Variants in MCHR2 observed in about 807,000 individuals in gnomAD.
MCHR2 encodes the protein melanin concentrating hormone receptor 2.
A neutral mutation model predicts 24.8 loss-of-function variants in MCHR2; 15 were observed. The ratio of observed to expected loss-of-function variants is 0.60; its 90% CI spans 0.40 to 0.93. MCHR2 has a LOEUF of 0.93. Among genes scored for constraint, MCHR2 ranks in the 40% least tolerant of loss-of-function variants. The probability of loss-of-function intolerance (pLI) is 0.00; values close to 1 mark genes in which losing one functional copy is unlikely to be tolerated. For synonymous variants in MCHR2, 151 were observed against 147.6 expected (o/e 1.02, Z -0.17); for missense variants, 386 against 408.7 (o/e 0.94, Z 0.48).
chr6:99,943,267 G>A (rs1303103463), intron 3 of MCHR2, 124 bp from the exon 4 acceptor site: 3 of 437,400 alleles, frequency 6.9e-6, no homozygotes, highest in Admixed American at 4.3e-5. Flanking sequence ...ACCTCTATCA[G>A]GGCAAAAGAA....
chr6:99,971,466 A>T (rs144130850), intron 1 of MCHR2, among the ~76,000 whole-genome samples: 272 of 152,262 alleles, frequency 1.8e-3, no homozygotes, highest in African/African-American at 6.3e-3. Flanking sequence ...TTGGGCTGAG[A>T]CATTGGGGTT....
intron 3 of MCHR2, among the ~76,000 whole-genome samples, chr6:99,946,948 G>T (rs1349489521): frequency 2.6e-5 from 4 of 152,096 alleles, no homozygotes; most frequent in African/African-American, 9.7e-5. Flanking sequence ...GCATATCCTA[G>T]CTTGCATGCT....
At chr6:99,989,383 T>C (rs900846767) in intron 1 of MCHR2, among the ~76,000 whole-genome samples, 21 of 152,216 alleles carry the variant, frequency 1.4e-4, no homozygotes, top group African/African-American at 4.8e-4. Flanking sequence ...TTAAGTACCT[T>C]ATGTACATTA....
intron 1 of MCHR2, among the ~76,000 whole-genome samples, chr6:99,973,429 C>T (rs1321487984): frequency 6.6e-6 from 1 of 152,126 alleles, no homozygotes; most frequent in Non-Finnish European, 1.5e-5. Context: ...GATCTTCCTC[C>T]ATCCCTTCAT....
At chr6:99,946,422 T>C (rs1288206470) in intron 3 of MCHR2, among the ~76,000 whole-genome samples, 1 of 152,188 alleles carries the variant, frequency 6.6e-6, no homozygotes, top group Non-Finnish European at 1.5e-5. Context: ...AATTCTTTTT[T>C]TGTTCATCTG....
At chr6:99,980,514 G>A (rs1246177643) in intron 1 of MCHR2, among the ~76,000 whole-genome samples, 1 of 151,922 alleles carries the variant, frequency 6.6e-6, no homozygotes. Flanking sequence ...AATAGTCAAT[G>A]GGATGGACTT....
chr6:99,947,271 C>T (rs963375279), intron 3 of MCHR2, among the ~76,000 whole-genome samples: 4 of 152,088 alleles, frequency 2.6e-5, no homozygotes, highest in African/African-American at 9.7e-5. Context: ...CTATTTACTC[C>T]ACTGATTCCT....
intron 1 of MCHR2, among the ~76,000 whole-genome samples, chr6:99,984,360 T>C (rs918090359): frequency 2.6e-5 from 4 of 152,046 alleles, no homozygotes; most frequent in Non-Finnish European, 4.4e-5. Flanking sequence ...GCTGCACCCA[T>C]TAACTAGTCA....
In MCHR2 at chr6:99,920,923, G is replaced by T. The variant is rs770397892; in HGVS notation, c.*17C>A. 1 of 1,608,994 alleles carries T rather than the reference G, an allele frequency of 6.2e-7. No homozygotes were observed. Among genetic ancestry groups the T allele is most frequent in the South Asian group, 1.1e-5 (1 of 90,344 alleles). ...ATAGACAATCATGTCTAGACTCATG[G>T]TGATCCATGTACTTTCCTAAAAGTG... is the stretch of plus-strand genomic sequence containing the variant. On this transcript the variant is annotated 3_prime_UTR_variant, in exon 6 of 6. Coordinates refer to ENST00000281806, the MANE Select transcript of MCHR2 (RefSeq NM_001040179.2).
chr6:99,938,405 G>A (rs372261455), intron 4 of MCHR2, among the ~76,000 whole-genome samples: 22 of 151,902 alleles, frequency 1.4e-4, no homozygotes, highest in Non-Finnish European at 2.4e-4. Context: ...TTCAACTTTC[G>A]TTTGTTTCAA....
At chr6:99,989,972 A>G (rs1775838633) in intron 1 of MCHR2, among the ~76,000 whole-genome samples, 1 of 152,198 alleles carries the variant, frequency 6.6e-6, no homozygotes, top group South Asian at 2.1e-4. Context: ...AGATTTTTTT[A>G]AGTAGCAATA....
rs180875302 is a variant in MCHR2 at position 99,930,913 on chromosome 6, G to T, written c.707+3485C>A. On this transcript the variant is annotated intron_variant, in intron 5 of 5. Coordinates refer to ENST00000281806, the MANE Select transcript of MCHR2 (RefSeq NM_001040179.2). Reference sequence around the variant, plus strand: ...TGTGTTCCTTTGGTGGAGGAGAGGCGCTCTGCTTTTTAGAGTTTCCAGTTT... The same window carrying T: ...TGTGTTCCTTTGGTGGAGGAGAGGCTCTCTGCTTTTTAGAGTTTCCAGTTT... Among the ~76,000 whole-genome samples, 10 of 152,262 alleles carry T rather than the reference G, an allele frequency of 6.6e-5. No homozygotes were observed. The East Asian group carries it at 1.7e-3, about 26-fold the overall frequency.
At chr6:99,981,879 C>T (rs573431510) in intron 1 of MCHR2, among the ~76,000 whole-genome samples, 8 of 152,226 alleles carry the variant, frequency 5.3e-5, no homozygotes, top group African/African-American at 1.9e-4. Flanking sequence ...ATACACACTT[C>T]ATAATTATTA....
chr6:99,993,307 T>G (rs1775921164), intron 1 of MCHR2, among the ~76,000 whole-genome samples: 1 of 152,184 alleles, frequency 6.6e-6, no homozygotes, highest in South Asian at 2.1e-4. Context: ...AGCCGCTAAC[T>G]AACTTCCCTA....
chr6:99,969,494 A>G (rs975068870), intron 1 of MCHR2, among the ~76,000 whole-genome samples: 6 of 77,554 alleles, frequency 7.7e-5, no homozygotes, highest in African/African-American at 2.1e-4. Flanking sequence ...AAAAAAAAAG[A>G]AAAGAAAACT....
intron 4 of MCHR2, among the ~76,000 whole-genome samples, chr6:99,937,983 T>C (rs527259248): frequency 3.9e-5 from 6 of 152,088 alleles, no homozygotes; most frequent in Admixed American, 3.9e-4. Flanking sequence ...TTTCCCAGTT[T>C]GTTGGCTTTT....
At chr6:99,940,415 A>G (rs1392447008) in intron 4 of MCHR2, among the ~76,000 whole-genome samples, 1 of 151,880 alleles carries the variant, frequency 6.6e-6, no homozygotes, top group African/African-American at 2.4e-5. Flanking sequence ...CTCAGTTCCA[A>G]GATTTTTTTT....
intron 1 of MCHR2, among the ~76,000 whole-genome samples, chr6:99,991,408 G>C (rs1466083356): frequency 6.6e-6 from 1 of 152,154 alleles, no homozygotes; most frequent in Non-Finnish European, 1.5e-5. Context: ...GTCATTTTTA[G>C]CAGTGTGACT....
At chr6:99,974,802 G>A (rs1228989932) in intron 1 of MCHR2, among the ~76,000 whole-genome samples, 1 of 152,196 alleles carries the variant, frequency 6.6e-6, no homozygotes, top group Non-Finnish European at 1.5e-5. Flanking sequence ...CAAGTCTGTT[G>A]GAGTTTGCTA....
Sources: gnomAD v4.1 joint callset for allele counts (sites outside exome capture counted in the v4.1 genomes callset) on GRCh38, gnomAD v4.1.1 for gene constraint, MANE v1.5 for transcripts, NCBI Gene and HGNC (gene_info 2026-07-23, HGNC 2026-07-21) for gene names.